The following GRM3 variants were observed in gnomAD, a reference collection of about 807,000 sequenced individuals.
GRM3 encodes the protein metabotropic glutamate receptor 3.
Under a neutral mutation model 70.5 loss-of-function variants are expected in GRM3, and 26 were observed. The ratio of observed to expected loss-of-function variants is 0.37; its 90% CI spans 0.27 to 0.51. The LOEUF (loss-of-function observed/expected upper bound fraction) is 0.51. Among genes scored for constraint, GRM3 ranks in the 20% least tolerant of loss-of-function variants. GRM3 has a pLI of 0.93. For synonymous variants in GRM3, 443 were observed against 434.9 expected (o/e 1.02, Z -0.23); for missense variants, 859 against 1,123.8 (o/e 0.76, Z 3.37).
At chr7:86,719,646 C>T (rs1191904928) in intron 1 of GRM3, among the ~76,000 whole-genome samples, 1 of 151,986 alleles carries the variant, frequency 6.6e-6, no homozygotes, top group East Asian at 1.9e-4. Context: ...GCTATTCTTT[C>T]AGTATGACAT....
Position 86,786,547 on chromosome 7 carries a change from T to G in GRM3, c.755T>G (p.Ile252Ser). 6.2e-7 allele frequency: 1 copy of G among 1,614,000 alleles called. No homozygotes were observed. The highest frequency in any genetic ancestry group is 8.5e-7 in the Non-Finnish European group (1 of 1,180,046). Reference protein sequence around the residue: ...ATAEKVGRSNIRKSYDSVIRE... With the variant: ...ATAEKVGRSNSRKSYDSVIRE... ...GCGGAGAAGGTGGGCCGCTCCAACA[T>G]CCGCAAGTCCTACGACAGCGTGATC... Residue 252 changes from isoleucine to serine, a missense_variant, in exon 3 of 6, where the codon ATC (isoleucine) becomes AGC (serine). Physicochemically the swap from Ile to Ser is moderately radical, Grantham distance 142. Transcript: ENST00000361669. The surrounding 1 kb of genome is among the most constrained non-coding windows in gnomAD (Gnocchi z 6.0).
chr7:86,646,978 T>C (rs752467704), intron 1 of GRM3, among the ~76,000 whole-genome samples: 5 of 152,194 alleles, frequency 3.3e-5, no homozygotes, highest in Non-Finnish European at 7.4e-5. Context: ...TCATCTTTAA[T>C]TTTATATCAC....
Position 86,644,189 on chromosome 7 carries a change from T to C in GRM3, c.-824T>C, listed in dbSNP as rs575849181. On this transcript the variant is annotated 5_prime_UTR_variant, in exon 1 of 6. Coordinates refer to ENST00000361669, the MANE Select transcript of GRM3 (RefSeq NM_000840.3). ...GACCTTTGCATGCACTGCCTAAGGA[T>C]TTCAGAGTGAGGCAAAGCAGTCGGC... is the stretch of plus-strand genomic sequence containing the variant. 1.2e-5 allele frequency: 2 copies of C among 172,772 alleles called. No homozygotes were observed. Among genetic ancestry groups the C allele is most frequent in the African/African-American group, 4.8e-5 (2 of 41,534 alleles). 10.7% of individuals were successfully genotyped at this position (172,772 alleles called of 1,614,324 possible). A position where few individuals can be genotyped will look rare whatever the true frequency, so the allele number is the denominator to read the frequency against.
At chr7:86,712,921 T>C (rs1333727134) in intron 1 of GRM3, among the ~76,000 whole-genome samples, 2 of 152,114 alleles carry the variant, frequency 1.3e-5, no homozygotes, top group Middle Eastern at 3.2e-3. Flanking sequence ...CTATTGTGAA[T>C]AGTGCTGCAA....
chr7:86,737,224 GTTTAA>G (rs1795883580), intron 1 of GRM3, among the ~76,000 whole-genome samples: 1 of 152,202 alleles, frequency 6.6e-6, no homozygotes, highest in Admixed American at 6.5e-5. Context: ...GATAGCTAAT[GTTTAA>G]TAAGTGCTTT....
At chr7:86,672,999 AC>A (rs936609362) in intron 1 of GRM3, among the ~76,000 whole-genome samples, 1 of 152,166 alleles carries the variant, frequency 6.6e-6, no homozygotes, top group African/African-American at 2.4e-5. Flanking sequence ...AGGTTGCAAA[AC>A]AAACTTTAAA....
At chr7:86,688,090 G>A (rs1395232185) in intron 1 of GRM3, among the ~76,000 whole-genome samples, 1 of 151,544 alleles carries the variant, frequency 6.6e-6, no homozygotes, top group Non-Finnish European at 1.5e-5. Flanking sequence ...ATTTCACTCT[G>A]TTTAAGTATA....
intron 3 of GRM3, among the ~76,000 whole-genome samples, chr7:86,830,293 A>G (rs538276380): frequency 1.3e-5 from 2 of 152,316 alleles, no homozygotes; most frequent in East Asian, 3.9e-4. Flanking sequence ...GTCTCCCACA[A>G]GGCCCCAGTG....
At chr7:86,815,578 T>A (rs959870874) in intron 3 of GRM3, among the ~76,000 whole-genome samples, 1 of 151,950 alleles carries the variant, frequency 6.6e-6, no homozygotes, top group Non-Finnish European at 1.5e-5. Context: ...TTCATATTAC[T>A]ATTCTCCTTT....
intron 1 of GRM3, among the ~76,000 whole-genome samples, chr7:86,709,617 G>A (rs1795146488): frequency 1.3e-5 from 2 of 152,166 alleles, no homozygotes; most frequent in East Asian, 3.9e-4. Context: ...CCCAAAGATG[G>A]ACACCTGAGA....
At chr7:86,756,498 G>A (rs1315647485) in intron 1 of GRM3, among the ~76,000 whole-genome samples, 1 of 152,048 alleles carries the variant, frequency 6.6e-6, no homozygotes, top group Non-Finnish European at 1.5e-5. Context: ...AGAATTCTGT[G>A]GTGCTTGACC....
intron 1 of GRM3, among the ~76,000 whole-genome samples, chr7:86,705,874 A>T (rs2116132151): frequency 6.6e-6 from 1 of 152,226 alleles, no homozygotes; most frequent in East Asian, 1.9e-4. Context: ...ATGTTTAAAG[A>T]TCACAAAGCA....
chr7:86,766,497 T>C (rs907946885), intron 2 of GRM3, among the ~76,000 whole-genome samples: 20 of 152,192 alleles, frequency 1.3e-4, no homozygotes, highest in African/African-American at 3.9e-4. Context: ...TCCTTACTTA[T>C]AAGGTTACTA....
intron 3 of GRM3, among the ~76,000 whole-genome samples, chr7:86,815,311 G>A (rs770257706): frequency 8.6e-5 from 13 of 151,786 alleles, no homozygotes; most frequent in Non-Finnish European, 1.8e-4. Context: ...ACATATGGAA[G>A]CTCATCTATG....
intron 1 of GRM3, among the ~76,000 whole-genome samples, chr7:86,736,676 G>T (rs543563074): frequency 1.3e-5 from 2 of 152,144 alleles, no homozygotes; most frequent in Non-Finnish European, 2.9e-5. Context: ...GAAAGAAAAA[G>T]AGCAAAGAAA....
intron 1 of GRM3, among the ~76,000 whole-genome samples, chr7:86,659,294 T>A (rs761051016): frequency 4.6e-5 from 7 of 152,202 alleles, no homozygotes; most frequent in Admixed American, 1.3e-4. Flanking sequence ...ATATTGTGAA[T>A]AACAATAATT....
At chr7:86,687,502 C>T (rs984283261) in intron 1 of GRM3, among the ~76,000 whole-genome samples, 2 of 151,664 alleles carry the variant, frequency 1.3e-5, no homozygotes, top group African/African-American at 2.4e-5. Flanking sequence ...TATTATCAAC[C>T]TAGAATTCTG....
intron 1 of GRM3, among the ~76,000 whole-genome samples, chr7:86,739,138 G>T (rs578231905): frequency 6.6e-6 from 1 of 152,016 alleles, no homozygotes; most frequent in Non-Finnish European, 1.5e-5. Context: ...CATTATGCCT[G>T]GCTAAGTTTT....
intron 1 of GRM3, among the ~76,000 whole-genome samples, chr7:86,678,149 A>C (rs1389527968): frequency 3.9e-5 from 6 of 151,950 alleles, no homozygotes; most frequent in Non-Finnish European, 8.8e-5. Flanking sequence ...TTAGACTATG[A>C]ATAGTTATTT....
Sources: gnomAD v4.1 joint callset for allele counts (sites outside exome capture counted in the v4.1 genomes callset) on GRCh38, gnomAD v4.1.1 for gene constraint, Gnocchi (gnomAD v3.1) non-coding constraint, MANE v1.5 for transcripts, NCBI Gene and HGNC (gene_info 2026-07-23, HGNC 2026-07-21) for gene names.